The following ASPRV1 variants were observed in gnomAD, a reference collection of about 807,000 sequenced individuals.
ASPRV1 encodes retroviral-like aspartic protease 1.
ASPRV1 carries 7 observed loss-of-function variants against 11.0 expected under a neutral mutation model. That is an observed-to-expected ratio of 0.64 (90% confidence interval 0.36 to 1.20). The LOEUF is 1.20. Ranked by LOEUF, ASPRV1 falls within the 50% of genes most tolerant of loss-of-function variation. The pLI is 0.02. For missense variants in ASPRV1, 299 were observed against 320.0 expected (o/e 0.93, Z 0.50); for synonymous variants, 136 against 138.4 (o/e 0.98, Z 0.12).
chr2:70,082,246 T>C, the ASPRV1 span, among the ~76,000 whole-genome samples: 1 of 151,200 alleles, frequency 6.6e-6, no homozygotes, highest in Admixed American at 6.6e-5. Flanking sequence ...CACCACCTCA[T>C]CCACAGTACT....
chr2:69,933,517 C>T, the ASPRV1 span, among the ~76,000 whole-genome samples: 1 of 152,164 alleles, frequency 6.6e-6, no homozygotes, highest in Non-Finnish European at 1.5e-5. Flanking sequence ...AATAGTAAAG[C>T]CCTTGTGCTA....
chr2:70,021,730 G>C, the ASPRV1 span, among the ~76,000 whole-genome samples: 5 of 150,988 alleles, frequency 3.3e-5, no homozygotes, highest in Non-Finnish European at 7.4e-5. Flanking sequence ...TTGAGACAGA[G>C]TCTCTCTCTG....
At chr2:70,030,359 T>A in the ASPRV1 span, 1 of 152,258 alleles carries the variant, frequency 6.6e-6, no homozygotes, top group African/African-American at 2.4e-5. Context: ...AGCTTCAGGT[T>A]GTCCTCGGGC....
chr2:69,971,211 G>A, the ASPRV1 span: 1 of 151,894 alleles, frequency 6.6e-6, no homozygotes, highest in African/African-American at 2.4e-5. Flanking sequence ...TAGTAAGAAA[G>A]ACATTTTTCA....
the ASPRV1 span, chr2:70,000,483 A>G: frequency 1.3e-5 from 2 of 152,012 alleles, no homozygotes; most frequent in Non-Finnish European, 2.9e-5. Context: ...AAATGGAGAA[A>G]TATATCAATA....
At chr2:69,989,415 T>C in the ASPRV1 span, among the ~76,000 whole-genome samples, 8 of 152,206 alleles carry the variant, frequency 5.3e-5, no homozygotes, top group African/African-American at 7.2e-5. Flanking sequence ...CACAGGACAG[T>C]GCTTGGCACA....
chr2:70,067,030 C>T, the ASPRV1 span, among the ~76,000 whole-genome samples: 1 of 152,298 alleles, frequency 6.6e-6, no homozygotes, highest in East Asian at 1.9e-4. Flanking sequence ...CTAAGATTCA[C>T]ATAGCAATTA....
the ASPRV1 span, among the ~76,000 whole-genome samples, chr2:70,054,917 T>C: frequency 6.6e-6 from 1 of 152,148 alleles, no homozygotes; most frequent in African/African-American, 2.4e-5. Flanking sequence ...CCTTAAACTA[T>C]CCATCATACA....
the ASPRV1 span, among the ~76,000 whole-genome samples, chr2:70,078,524 G>C: frequency 6.6e-6 from 1 of 152,226 alleles, no homozygotes; most frequent in Admixed American, 6.5e-5. Context: ...CAGTTGAGCA[G>C]AAACCTGAAG....
chr2:69,938,000 G>A, the ASPRV1 span: 5 of 1,168,418 alleles, frequency 4.3e-6, no homozygotes, highest in Non-Finnish European at 6.1e-6. Flanking sequence ...ACCCGCCTTT[G>A]CCTCCCAAAG....
the ASPRV1 span, among the ~76,000 whole-genome samples, chr2:69,984,610 CTTTTTTTTTTTTTTT>C: frequency 4.6e-5 from 3 of 65,338 alleles, no homozygotes; most frequent in East Asian, 5.4e-4. Flanking sequence ...TCAGGTCCAG[CTTTTTTTTTTTTTTT>C]TTTTTTTTTT....
the ASPRV1 span, among the ~76,000 whole-genome samples, chr2:70,009,797 A>G: frequency 6.6e-6 from 1 of 152,256 alleles, no homozygotes; most frequent in Admixed American, 6.5e-5. Context: ...GAAGAAGGAA[A>G]ACAGGCACAA....
chr2:69,938,559 A>C, the ASPRV1 span: 1 of 378,804 alleles, frequency 2.6e-6, no homozygotes, highest in Non-Finnish European at 4.9e-6. Context: ...CCGAATAAGC[A>C]ATGTCCACAT....
the ASPRV1 span, among the ~76,000 whole-genome samples, chr2:69,997,053 G>A: frequency 6.6e-6 from 1 of 152,138 alleles, no homozygotes; most frequent in Admixed American, 6.6e-5. Context: ...TGGGTGTGGG[G>A]CTCACGCCTA....
chr2:70,037,725 T>C, the ASPRV1 span, among the ~76,000 whole-genome samples: 1 of 152,336 alleles, frequency 6.6e-6, no homozygotes, highest in East Asian at 1.9e-4. Context: ...CTTTTGCTTA[T>C]GCTGTTACTT....
At chr2:70,004,810 A>C in the ASPRV1 span, among the ~76,000 whole-genome samples, 1 of 152,030 alleles carries the variant, frequency 6.6e-6, no homozygotes, top group African/African-American at 2.4e-5. Context: ...AGGCACTTGA[A>C]CCAGCCTTGG....
the ASPRV1 span, among the ~76,000 whole-genome samples, chr2:69,967,694 T>A: frequency 0.12 from 18,880 of 152,288 alleles, 1,656 homozygotes; most frequent in South Asian, 0.25. Context: ...CTTAACTTTC[T>A]TCTACAGATA....
chr2:69,988,517 G>A, the ASPRV1 span: 1 of 314,432 alleles, frequency 3.2e-6, no homozygotes, highest in African/African-American at 2.2e-5. Flanking sequence ...TGCAGGGAGG[G>A]AAATGTTTGG....
the ASPRV1 span, chr2:69,935,247 C>T: frequency 9.1e-6 from 7 of 765,722 alleles, no homozygotes; most frequent in East Asian, 5.3e-5. Flanking sequence ...CATTTGCCAT[C>T]GCAAGGCCTG....
Sources: allele counts gnomAD v4.1 joint callset (sites outside exome capture counted in the v4.1 genomes callset), GRCh38; gene constraint gnomAD v4.1.1; transcripts MANE v1.5; gene names NCBI Gene and HGNC (gene_info 2026-07-23, HGNC 2026-07-21).